Variants in SPAG16 observed in about 807,000 individuals in gnomAD.
The protein encoded by SPAG16 is sperm-associated antigen 16 protein.
A neutral mutation model predicts 80.4 loss-of-function variants in SPAG16; 86 were observed. The observed-to-expected ratio is 1.07, with a 90% CI of 0.90 to 1.28. The LOEUF (loss-of-function observed/expected upper bound fraction) is 1.28, where lower values mean the gene tolerates loss of function less well. Among genes scored for constraint, SPAG16 ranks in the 50% most tolerant of loss-of-function variants. The pLI is 0.00. For synonymous variants in SPAG16, 294 were observed against 265.9 expected, an observed-to-expected ratio of 1.11 and a Z score of -1.03; for missense variants, 870 against 765.3, an observed-to-expected ratio of 1.14 and a Z score of -1.61.
At chr2:213,867,318 G>A (rs1369375946) in intron 11 of SPAG16, among the ~76,000 whole-genome samples, 2 of 152,198 alleles carry the variant, frequency 1.3e-5, no homozygotes, top group African/African-American at 2.4e-5. Context: ...CAGGGAATGT[G>A]CATTAGCACT....
At position 213,413,832 on chromosome 2, in the gene SPAG16, C is replaced by T. The variant is rs149099964; in HGVS notation, c.942+38713C>T. 2.3e-3 allele frequency among the ~76,000 whole-genome samples: 352 copies of T among 152,248 alleles called. 2 individuals carry two copies. The highest frequency in any genetic ancestry group is 7.8e-3 in the African/African-American group (326 of 41,564). On this transcript the variant is annotated intron_variant, in intron 9 of 15. Transcript: ENST00000331683. ...ATGACAGCACAAACCAACAATTTAA[C>T]TTCTTTTCGATCTAATAGTGTTTGG...
At chr2:213,302,317 T>C (rs2062769821) in intron 3 of SPAG16, among the ~76,000 whole-genome samples, 1 of 152,148 alleles carries the variant, frequency 6.6e-6, no homozygotes, top group Admixed American at 6.6e-5. Context: ...ATATAATGTA[T>C]AATAGGGATA....
chr2:213,567,165 CTTTTTT>C (rs531916197), intron 10 of SPAG16, among the ~76,000 whole-genome samples: 2 of 94,906 alleles, frequency 2.1e-5, no homozygotes, highest in Admixed American at 1.1e-4. Context: ...AACACAGATT[CTTTTTT>C]TTTTTTTTTT....
At chr2:213,391,890 G>A (rs910419452) in intron 9 of SPAG16, among the ~76,000 whole-genome samples, 1 of 152,148 alleles carries the variant, frequency 6.6e-6, no homozygotes, top group Non-Finnish European at 1.5e-5. Flanking sequence ...TAGAAACATG[G>A]AGATTAGAGA....
In SPAG16 at chr2:213,618,465, G is replaced by T. The variant is rs577690620; in HGVS notation, c.1070+128375G>T. On this transcript the variant is annotated intron_variant, in intron 10 of 15. Coordinates refer to ENST00000331683, the MANE Select transcript of SPAG16 (RefSeq NM_024532.5). ...ACAAACAGTCCCCCCAAACTGTAAA[G>T]TATCTGCTTTCCTCAACAGGTTATG... Among the ~76,000 whole-genome samples the T allele has an allele frequency of 2.6e-5, 4 of 152,216 alleles. No homozygotes were observed. The South Asian group carries it at 8.3e-4, about 32-fold the overall frequency.
chr2:213,723,342 G>T (rs1056716052), intron 10 of SPAG16, among the ~76,000 whole-genome samples: 2 of 152,112 alleles, frequency 1.3e-5, no homozygotes, highest in Admixed American at 6.6e-5. Flanking sequence ...GCTCTTTGTT[G>T]TTCAGGGTAA....
chr2:214,260,573 G>A (rs1330696367), intron 15 of SPAG16, among the ~76,000 whole-genome samples: 1 of 152,034 alleles, frequency 6.6e-6, no homozygotes, highest in Non-Finnish European at 1.5e-5. Flanking sequence ...TGTCATCTAT[G>A]CATGGCTTTC....
At chr2:213,688,123 A>G (rs2064772891) in intron 10 of SPAG16, among the ~76,000 whole-genome samples, 1 of 152,162 alleles carries the variant, frequency 6.6e-6, no homozygotes, top group Non-Finnish European at 1.5e-5. Context: ...TTTCCAGGCT[A>G]TAGGTGGTAA....
chr2:213,374,735 C>T (rs1048609112), intron 8 of SPAG16, among the ~76,000 whole-genome samples: 2 of 151,912 alleles, frequency 1.3e-5, no homozygotes, highest in African/African-American at 4.8e-5. Flanking sequence ...ACACACAAAG[C>T]CTTGTGATAA....
chr2:213,421,486 G>A (rs888815864), intron 9 of SPAG16, among the ~76,000 whole-genome samples: 1 of 152,184 alleles, frequency 6.6e-6, no homozygotes. Context: ...AGGCAGACAG[G>A]CTCCTGGGCA....
chr2:213,756,168 A>G (rs529814850), intron 10 of SPAG16, among the ~76,000 whole-genome samples: 69 of 152,204 alleles, frequency 4.5e-4, no homozygotes, highest in African/African-American at 1.3e-3. Context: ...TAGCAATCCA[A>G]TAGGTGTTAA....
intron 10 of SPAG16, among the ~76,000 whole-genome samples, chr2:213,718,674 G>A (rs527730805): frequency 6.6e-6 from 1 of 152,306 alleles, no homozygotes; most frequent in South Asian, 2.1e-4. Context: ...CCCCAGCAGT[G>A]CTGGCCCACC....
intron 9 of SPAG16, among the ~76,000 whole-genome samples, chr2:213,483,880 A>T (rs2073860029): frequency 6.6e-6 from 1 of 152,224 alleles, no homozygotes; most frequent in South Asian, 2.1e-4. Context: ...TTCTTAAAAT[A>T]ATTCCTTCTA....
At chr2:213,921,201 C>G (rs75450185) in intron 11 of SPAG16, among the ~76,000 whole-genome samples, 4,900 of 152,288 alleles carry the variant, frequency 0.032, 105 homozygotes, top group Middle Eastern at 0.048. Flanking sequence ...CTGGTTGTGT[C>G]AAGTTGGCCA....
chr2:213,851,362 A>G (rs2074895231), intron 10 of SPAG16, among the ~76,000 whole-genome samples: 2 of 152,022 alleles, frequency 1.3e-5, no homozygotes, highest in South Asian at 4.2e-4. Context: ...TACAAAAATG[A>G]GGCGTGGTGG....
intron 10 of SPAG16, among the ~76,000 whole-genome samples, chr2:213,694,524 C>T (rs369383692): frequency 2.1e-4 from 32 of 152,242 alleles, no homozygotes; most frequent in African/African-American, 7.0e-4. Flanking sequence ...ACAATGATCA[C>T]GTGGATGCTA....
At chr2:214,280,177 A>G (rs148239902) in intron 15 of SPAG16, among the ~76,000 whole-genome samples, 55 of 152,316 alleles carry the variant, frequency 3.6e-4, no homozygotes, top group African/African-American at 1.3e-3. Flanking sequence ...AATATTTGAA[A>G]TCAGACAATG....
At chr2:213,517,057 A>C (rs2125834027) in intron 10 of SPAG16, among the ~76,000 whole-genome samples, 1 of 152,314 alleles carries the variant, frequency 6.6e-6, no homozygotes, top group East Asian at 1.9e-4. Context: ...CTATATCTAG[A>C]AAATTCTAGA....
chr2:214,114,651 G>A (rs1239409092), intron 14 of SPAG16, among the ~76,000 whole-genome samples: 3 of 152,212 alleles, frequency 2.0e-5, no homozygotes, highest in African/African-American at 7.2e-5. Context: ...CGGTTGCTAA[G>A]ACCTTCGGAA....
Sources: gnomAD v4.1 joint callset for allele counts (sites outside exome capture counted in the v4.1 genomes callset) on GRCh38, gnomAD v4.1.1 for gene constraint, MANE v1.5 for transcripts, NCBI Gene and HGNC (gene_info 2026-07-23, HGNC 2026-07-21) for gene names.